The following LMO1 variants were observed in gnomAD, a reference collection of about 807,000 sequenced individuals.
The protein encoded by LMO1 is LIM domain only 1.
LMO1 carries 10 observed loss-of-function variants against 18.0 expected under a neutral mutation model. That is an observed-to-expected ratio of 0.55 (90% CI 0.34 to 0.94). The LOEUF (loss-of-function observed/expected upper bound fraction) is 0.94, where lower values mean the gene tolerates loss of function less well. LMO1 is among the 40% of genes least tolerant of loss of function. The pLI, the probability that LMO1 is intolerant of heterozygous loss-of-function variation, is 0.02. For synonymous variants in LMO1, 77 were observed against 77.9 expected (o/e 0.99, Z 0.06); for missense variants, 183 against 205.7 (o/e 0.89, Z 0.68).
At chr11:8,268,649 G>T, upstream of LMO1, 4 of 326,046 alleles carry the variant, frequency 1.2e-5, no homozygotes, top group South Asian at 1.5e-4. Flanking sequence ...AGGGACTGGG[G>T]GGAAGGCGCG....
intron 1 of LMO1, among the ~76,000 whole-genome samples, chr11:8,231,616 C>T (rs1000442433): frequency 5.3e-5 from 8 of 152,300 alleles, no homozygotes; most frequent in South Asian, 4.1e-4. Flanking sequence ...AGACAGGGAG[C>T]GTGTGCATGC....
chr11:8,250,503 G>A (rs995219589), intron 1 of LMO1, among the ~76,000 whole-genome samples: 1 of 152,238 alleles, frequency 6.6e-6, no homozygotes, highest in Admixed American at 6.5e-5. Flanking sequence ...GGGCACAAAG[G>A]CAGGTCAAAG....
intron 3 of LMO1, among the ~76,000 whole-genome samples, chr11:8,226,184 T>A (rs138420580): frequency 6.6e-6 from 1 of 152,218 alleles, no homozygotes; most frequent in African/African-American, 2.4e-5. Flanking sequence ...CGTTATCCCA[T>A]GCACATGCAC....
intron 2 of LMO1, 22 bp from the exon 3 acceptor site, chr11:8,227,122 G>A: frequency 6.2e-7 from 1 of 1,600,606 alleles, no homozygotes; most frequent in South Asian, 1.1e-5. Flanking sequence ...AGGGCGCAGA[G>A]GACTCAGCAG....
chr11:8,253,688 C>T (rs1314015529), intron 1 of LMO1, among the ~76,000 whole-genome samples: 1 of 152,060 alleles, frequency 6.6e-6, no homozygotes, highest in African/African-American at 2.4e-5. Flanking sequence ...GAGCCCAGGC[C>T]AGCACTGCTC....
intron 1 of LMO1, among the ~76,000 whole-genome samples, chr11:8,244,077 C>T (rs1310376923): frequency 6.6e-6 from 1 of 152,244 alleles, no homozygotes; most frequent in Admixed American, 6.5e-5. Context: ...TGAGTGTGAA[C>T]CACCCTGTGG....
rs149986943 is a variant in LMO1 at position 8,259,154 on chromosome 11, C to T, written c.25+4184G>A. Among the ~76,000 whole-genome samples, 25 of 152,304 alleles carry T rather than the reference C, an allele frequency of 1.6e-4. No individual in the cohort carries two copies. The East Asian group carries it at 4.8e-3, about 29-fold the overall frequency. On this transcript the variant is annotated intron_variant, in intron 1 of 3. Transcript: ENST00000335790. The stretch of plus-strand genomic sequence containing the variant: ...CACCGCCATCCAAGGAGACAATTTA[C>T]AGTTGAGTTAATCTGGGTACATTAG...
chr11:8,226,890 C>G, intron 3 of LMO1, 85 bp downstream of exon 3: 1 of 1,495,514 alleles, frequency 6.7e-7, no homozygotes, highest in Admixed American at 2.2e-5. Context: ...TTTGCGTGCA[C>G]GCCTCCGCCG....
chr11:8,257,526 G>T (rs1847117186), intron 1 of LMO1, among the ~76,000 whole-genome samples: 1 of 152,236 alleles, frequency 6.6e-6, no homozygotes, highest in South Asian at 2.1e-4. Context: ...GATGTTTGCT[G>T]TAATCAGAGT....
At position 8,263,678 on chromosome 11, in the gene LMO1, A is replaced by T. The variant is rs775861448; in HGVS notation, c.-316T>A. ...CCGTTTCTTTGATTCTCACCTTCTA[A>T]ATGGCTCAATTTGCCCAGTATAATC... On this transcript the variant is annotated 5_prime_UTR_variant, in exon 1 of 4. Coordinates refer to ENST00000335790, the MANE Select transcript of LMO1 (RefSeq NM_002315.3). The T allele has an allele frequency of 7.8e-7, 1 of 1,276,048 alleles. No individual in the cohort carries two copies. Among genetic ancestry groups the T allele is most frequent in the Non-Finnish European group, 9.9e-7 (1 of 1,012,266 alleles). The allele number at this position is 1,276,048 out of a possible 1,614,324, so 79.0% of individuals were successfully genotyped here.
At chr11:8,243,036 C>CG (rs1217147856) in intron 1 of LMO1, among the ~76,000 whole-genome samples, 1 of 152,216 alleles carries the variant, frequency 6.6e-6, no homozygotes, top group Non-Finnish European at 1.5e-5. Context: ...CTGCTAGCCA[C>CG]GGGGCTGGGT....
intron 1 of LMO1, among the ~76,000 whole-genome samples, chr11:8,238,813 T>C (rs1952806474): frequency 6.6e-6 from 1 of 152,106 alleles, no homozygotes; most frequent in African/African-American, 2.4e-5. Context: ...TGCATACCTG[T>C]ACAAAAATTC....
intron 1 of LMO1, among the ~76,000 whole-genome samples, chr11:8,231,331 C>T (rs1374065353): frequency 3.3e-5 from 5 of 152,240 alleles, no homozygotes; most frequent in African/African-American, 9.6e-5. Flanking sequence ...CAGAGCCTCC[C>T]GTCGCGGCAG....
At chr11:8,268,117 C>G (rs1416308321), upstream of LMO1, among the ~76,000 whole-genome samples, 1 of 152,258 alleles carries the variant, frequency 6.6e-6, no homozygotes, top group Non-Finnish European at 1.5e-5. Flanking sequence ...CGGATGCCCG[C>G]AAGGCGGCAA....
In LMO1 at chr11:8,230,455, C is replaced by G. The variant is rs200224272; in HGVS notation, c.75G>C (p.Ala25=). ...GGTCCTTGATCTTGCGGTTACAGCC[C>G]GCACAGCCCTTCTGCTTCCCTTTGG... ...VQPKGKQKGC[A]GCNRKIKDRY... Residue 25 remains alanine, a synonymous_variant, in exon 2 of 4, where the codon GCG becomes GCC. Transcript: ENST00000335790. 1 of 1,613,882 alleles carries G rather than the reference C, an allele frequency of 6.2e-7. No homozygotes were observed. The highest frequency in any genetic ancestry group is 1.1e-5 in the South Asian group (1 of 91,090).
chr11:8,236,841 CT>C (rs1952769304), intron 1 of LMO1, among the ~76,000 whole-genome samples: 1 of 152,206 alleles, frequency 6.6e-6, no homozygotes, highest in Non-Finnish European at 1.5e-5. Context: ...ACCCATGCAT[CT>C]AAGCACACGC....
chr11:8,231,571 G>A (rs1013041326), intron 1 of LMO1, among the ~76,000 whole-genome samples: 2 of 152,188 alleles, frequency 1.3e-5, no homozygotes, highest in African/African-American at 4.8e-5. Flanking sequence ...TTGACAGGGC[G>A]GGAGCCTGTG....
chr11:8,237,127 A>G (rs1952774094), intron 1 of LMO1, among the ~76,000 whole-genome samples: 1 of 151,022 alleles, frequency 6.6e-6, no homozygotes, highest in African/African-American at 2.4e-5. Flanking sequence ...TTGATCCCAC[A>G]ATCCTTATGC....
upstream of LMO1, chr11:8,268,385 C>T: frequency 6.8e-7 from 1 of 1,461,178 alleles, no homozygotes; most frequent in East Asian, 3.0e-5. Flanking sequence ...GCCCCACGTC[C>T]CGCGTGCCCC....
Sources: gnomAD v4.1 joint callset for allele counts (sites outside exome capture counted in the v4.1 genomes callset) on GRCh38, gnomAD v4.1.1 for gene constraint, MANE v1.5 for transcripts, NCBI Gene and HGNC (gene_info 2026-07-23, HGNC 2026-07-21) for gene names.